The following AK5 variants were observed in gnomAD, a reference collection of about 807,000 sequenced individuals.
AK5 encodes the protein adenylate kinase isoenzyme 5.
AK5 carries 27 observed loss-of-function variants against 69.5 expected under a neutral mutation model. The observed-to-expected ratio is 0.39, with a 90% confidence interval of 0.29 to 0.54. The LOEUF (loss-of-function observed/expected upper bound fraction) is 0.54. Ranked by LOEUF, AK5 falls within the 20% of genes least tolerant of loss-of-function variation. The pLI, the probability that AK5 is intolerant of heterozygous loss-of-function variation, is 0.71. For missense variants in AK5, 531 were observed against 700.4 expected (o/e 0.76, Z 2.73); for synonymous variants, 260 against 244.4 (o/e 1.06, Z -0.60).
intron 12 of AK5, among the ~76,000 whole-genome samples, chr1:77,526,093 C>T (rs967884012): frequency 6.6e-5 from 10 of 152,104 alleles, no homozygotes; most frequent in Admixed American, 2.6e-4. Context: ...TTTGTTTATT[C>T]TAATCTTCTA....
intron 6 of AK5, among the ~76,000 whole-genome samples, chr1:77,371,986 A>C (rs958011889): frequency 6.6e-6 from 1 of 152,198 alleles, no homozygotes; most frequent in Non-Finnish European, 1.5e-5. Flanking sequence ...GTGTGAGTTC[A>C]TCTGAACTTT....
chr1:77,426,438 C>A (rs1209996075), intron 8 of AK5, among the ~76,000 whole-genome samples: 1 of 152,136 alleles, frequency 6.6e-6, no homozygotes, highest in African/African-American at 2.4e-5. Context: ...CATAATAATT[C>A]TTAATGTGTA....
In AK5 at chr1:77,535,777, G is replaced by T; in HGVS notation, c.1429-70G>T. 6 of 1,431,322 alleles carry T rather than the reference G, an allele frequency of 4.2e-6. 1 individual carries two copies. Among genetic ancestry groups the T allele is most frequent in the Non-Finnish European group, 5.7e-6 (6 of 1,058,004 alleles). The allele number at this position is 1,431,322 out of a possible 1,614,324, so 88.7% of individuals were successfully genotyped here. On this transcript the variant is annotated intron_variant, in intron 12 of 13. Coordinates refer to ENST00000354567, the MANE Select transcript of AK5 (RefSeq NM_174858.3). ...AAGGCCAAGAAAGGAAAAACCAGAG[G>T]CCCTGGGCCTTTCCAGAACATCAGC...
rs1443739145 is a variant in AK5, at chr1:77,536,043, G to A, written c.1620+5G>A. 1.4e-5 allele frequency: 22 copies of A among 1,602,178 alleles called. No individual in the cohort carries two copies. The highest frequency in any genetic ancestry group is 1.8e-5 in the Non-Finnish European group (21 of 1,175,698). On this transcript the variant is annotated splice_donor_5th_base_variant and intron_variant, in intron 13 of 13. Coordinates refer to ENST00000354567, the MANE Select transcript of AK5 (RefSeq NM_174858.3). ...ACAAAAACACAGCTACACAAGGCGA[G>A]TCACTTCACTTTCTCCTCTGAAATG...
chr1:77,496,443 A>G (rs1311903687), intron 10 of AK5, among the ~76,000 whole-genome samples: 1 of 152,228 alleles, frequency 6.6e-6, no homozygotes, highest in Non-Finnish European at 1.5e-5. Flanking sequence ...CACTCTGCCA[A>G]CCAGGACAGG....
chr1:77,511,332 A>G (rs1054686207), intron 10 of AK5, among the ~76,000 whole-genome samples: 1 of 152,198 alleles, frequency 6.6e-6, no homozygotes, highest in Non-Finnish European at 1.5e-5. Flanking sequence ...TATCTGTAAT[A>G]TATGTATGTA....
At chr1:77,465,323 T>C (rs553337179) in intron 8 of AK5, among the ~76,000 whole-genome samples, 28 of 152,214 alleles carry the variant, frequency 1.8e-4, no homozygotes, top group Middle Eastern at 3.4e-3. Context: ...TTGAAGGCAA[T>C]GAGTAGTCTG....
At chr1:77,319,176 A>G (rs1384469615) in intron 5 of AK5, among the ~76,000 whole-genome samples, 3 of 152,218 alleles carry the variant, frequency 2.0e-5, no homozygotes, top group Non-Finnish European at 4.4e-5. Flanking sequence ...AGAGAGAGGT[A>G]GCCAGCTCAT....
intron 6 of AK5, among the ~76,000 whole-genome samples, chr1:77,368,215 CTATATATATA>C (rs1172723260): frequency 3.2e-4 from 9 of 28,198 alleles, no homozygotes; most frequent in Admixed American, 1.5e-3. Context: ...AGTAGAGATA[CTATATATATA>C]TATATATATA....
intron 5 of AK5, among the ~76,000 whole-genome samples, chr1:77,308,994 A>G (rs891049396): frequency 2.0e-5 from 3 of 151,546 alleles, no homozygotes; most frequent in Admixed American, 6.6e-5. Context: ...ACCGAGCACC[A>G]CATGTTCTCA....
intron 6 of AK5, among the ~76,000 whole-genome samples, chr1:77,409,262 C>A (rs990737949): frequency 6.6e-6 from 1 of 152,280 alleles, no homozygotes; most frequent in South Asian, 2.1e-4. Flanking sequence ...GGTTTATACT[C>A]CGCCAGGTAT....
intron 5 of AK5, among the ~76,000 whole-genome samples, chr1:77,305,156 A>ATTG (rs557675058): frequency 9.2e-5 from 14 of 152,222 alleles, no homozygotes; most frequent in Admixed American, 9.2e-4. Flanking sequence ...GTCTATTCAA[A>ATTG]TCTTTTGCCT....
At chr1:77,515,693 T>G (rs1209155532) in intron 10 of AK5, among the ~76,000 whole-genome samples, 6 of 152,030 alleles carry the variant, frequency 3.9e-5, no homozygotes. Context: ...GTCTGGCTCC[T>G]GCCAGAAGGG....
At chr1:77,404,090 C>A (rs1649449092) in intron 6 of AK5, among the ~76,000 whole-genome samples, 1 of 152,134 alleles carries the variant, frequency 6.6e-6, no homozygotes, top group African/African-American at 2.4e-5. Context: ...CATGATTTGG[C>A]TCTCTGTTTG....
intron 6 of AK5, among the ~76,000 whole-genome samples, chr1:77,382,537 A>C (rs1313372701): frequency 6.6e-6 from 1 of 152,122 alleles, no homozygotes; most frequent in African/African-American, 2.4e-5. Flanking sequence ...TTTTATAGAG[A>C]GAGGATCTCA....
intron 2 of AK5, among the ~76,000 whole-genome samples, chr1:77,287,902 C>T (rs1310804284): frequency 6.6e-6 from 1 of 152,192 alleles, no homozygotes; most frequent in Non-Finnish European, 1.5e-5. Context: ...GTTACAGGCG[C>T]ATACTCCTAA....
intron 6 of AK5, among the ~76,000 whole-genome samples, chr1:77,343,940 C>G (rs1661785844): frequency 6.6e-6 from 1 of 152,186 alleles, no homozygotes; most frequent in Non-Finnish European, 1.5e-5. Context: ...GTTGTAAAAA[C>G]TTTAGACATA....
Position 77,282,117 on chromosome 1 carries a change from GC to G in AK5, c.-196del. ...TGGAACCGAAGCGGGGGCGGCGGGA[GC>G]GCGGAGACCACAGCCCCCGGGGAGA... On this transcript the variant is annotated 5_prime_UTR_variant, in exon 1 of 14. Coordinates refer to ENST00000354567, the MANE Select transcript of AK5 (RefSeq NM_174858.3). The G allele has an allele frequency of 2.3e-6, 1 of 433,074 alleles. No homozygotes were observed. Among genetic ancestry groups the G allele is most frequent in the Non-Finnish European group, 4.1e-6 (1 of 244,900 alleles). The allele number at this position is 433,074 out of a possible 1,614,324, so 26.8% of individuals were successfully genotyped here. A position where few individuals can be genotyped will look rare whatever the true frequency, so the allele number is the denominator to read the frequency against.
At chr1:77,302,793 G>A (rs1433721532) in intron 5 of AK5, among the ~76,000 whole-genome samples, 1 of 152,078 alleles carries the variant, frequency 6.6e-6, no homozygotes, top group African/African-American at 2.4e-5. Context: ...GTTGCTAAAC[G>A]CAGCAAAGAG....
Sources: allele counts gnomAD v4.1 joint callset (sites outside exome capture counted in the v4.1 genomes callset), GRCh38; gene constraint gnomAD v4.1.1; transcripts MANE v1.5; gene names NCBI Gene and HGNC (gene_info 2026-07-23, HGNC 2026-07-21).